The following MTA3 variants were observed in gnomAD, a reference collection of about 807,000 sequenced individuals.
MTA3 encodes metastasis-associated protein MTA3.
A neutral mutation model predicts 83.5 loss-of-function variants in MTA3; 34 were observed. That is an observed-to-expected ratio of 0.41 (90% CI 0.31 to 0.54). The LOEUF is 0.54. MTA3 is among the 20% of genes least tolerant of loss of function. The probability of loss-of-function intolerance (pLI) is 0.33; values close to 1 mark genes in which losing one functional copy is unlikely to be tolerated. For synonymous variants in MTA3, 303 were observed against 252.7 expected, an observed-to-expected ratio of 1.20 and a Z score of -1.89; for missense variants, 761 against 726.4, an observed-to-expected ratio of 1.05 and a Z score of -0.55.
intron 9 of MTA3, among the ~76,000 whole-genome samples, chr2:42,695,277 A>T (rs531894978): frequency 6.6e-6 from 1 of 152,260 alleles, no homozygotes; most frequent in East Asian, 1.9e-4. Flanking sequence ...TTAATTTTAA[A>T]TTTCTCAAAT....
In MTA3 at chr2:42,740,313, C is replaced by G. The variant is rs542532384; in HGVS notation, c.1760-13061C>G. ...ATTGCTTGAGTCCAGAAGTTCAAGACCAGCCGGGACAACATAGCGAAACCC... is the reference window on the plus strand; with the variant it reads ...ATTGCTTGAGTCCAGAAGTTCAAGAGCAGCCGGGACAACATAGCGAAACCC... On this transcript the variant is annotated intron_variant, in intron 16 of 16. Transcript: ENST00000405094. Among the ~76,000 whole-genome samples the G allele has an allele frequency of 1.9e-4, 29 of 152,336 alleles. No individual in the cohort carries two copies. In the East Asian group the frequency reaches 5.0e-3, roughly 26 times the overall value.
chr2:42,682,517 C>G lies in MTA3; in HGVS notation c.819C>G (p.Ala273=). The part of the protein sequence containing the change: ...LCRDEMEEWS[A]SEASLFEEAL... ...GAGATGAAATGGAGGAATGGTCAGC[C>G]TCTGAAGCTAGCTTATTTGAAGAGG... Residue 273 remains alanine, a synonymous_variant, in exon 9 of 17, where the codon GCC becomes GCG. Coordinates refer to ENST00000405094, the MANE Select transcript of MTA3 (RefSeq NM_001330442.2). The G allele has an allele frequency of 1.9e-6, 3 of 1,612,682 alleles. No individual in the cohort carries two copies. Among genetic ancestry groups the G allele is most frequent in the Non-Finnish European group, 2.5e-6 (3 of 1,179,346 alleles).
At chr2:42,684,443 C>T (rs1256109330) in intron 9 of MTA3, among the ~76,000 whole-genome samples, 3 of 152,084 alleles carry the variant, frequency 2.0e-5, no homozygotes, top group African/African-American at 7.2e-5. Context: ...GGCAAAACTT[C>T]ACTCATACTT....
At chr2:42,605,646 C>T (rs1683205845) in intron 3 of MTA3, among the ~76,000 whole-genome samples, 1 of 109,092 alleles carries the variant, frequency 9.2e-6, no homozygotes, top group Non-Finnish European at 1.9e-5. Flanking sequence ...CCGGACGGGG[C>T]GGCTGGCCGG....
At chr2:42,519,411 G>A (rs1435676274) in intron 2 of MTA3, among the ~76,000 whole-genome samples, 1 of 151,678 alleles carries the variant, frequency 6.6e-6, no homozygotes, top group African/African-American at 2.4e-5. Context: ...TTCAAGACCA[G>A]CCTGGCCAAC....
chr2:42,733,405 T>C (rs1668379269), intron 16 of MTA3, among the ~76,000 whole-genome samples: 1 of 152,200 alleles, frequency 6.6e-6, no homozygotes, highest in East Asian at 1.9e-4. Context: ...TACCTCCCTC[T>C]GGGTCCCTAC....
chr2:42,598,539 C>T (rs1399366269), intron 3 of MTA3, among the ~76,000 whole-genome samples: 3 of 152,128 alleles, frequency 2.0e-5, no homozygotes, highest in African/African-American at 7.2e-5. Context: ...TTGGTTAGGT[C>T]TAAGGTCACC....
chr2:42,716,123 C>G (rs1404002240), intron 14 of MTA3, among the ~76,000 whole-genome samples: 1 of 152,104 alleles, frequency 6.6e-6, no homozygotes, highest in Non-Finnish European at 1.5e-5. Flanking sequence ...CACTATTATT[C>G]AACAATAGGT....
At chr2:42,510,148 A>C (rs1298362315) in intron 2 of MTA3, among the ~76,000 whole-genome samples, 2 of 152,006 alleles carry the variant, frequency 1.3e-5, no homozygotes, top group African/African-American at 4.8e-5. Flanking sequence ...CAATATGGTG[A>C]AACTCCATCT....
chr2:42,660,463 G>A (rs976954319), intron 8 of MTA3, among the ~76,000 whole-genome samples: 10 of 152,096 alleles, frequency 6.6e-5, no homozygotes, highest in African/African-American at 1.7e-4. Context: ...TTCTTTCGGT[G>A]ATCAAATGAA....
chr2:42,628,771 CCT>C (rs571667122), intron 4 of MTA3, among the ~76,000 whole-genome samples: 1,032 of 15,204 alleles, frequency 0.068, 25 homozygotes, highest in African/African-American at 0.18. Flanking sequence ...ACATTTCCAC[CCT>C]TTTTTTTTTT....
chr2:42,631,525 G>A (rs1686672043), intron 4 of MTA3, among the ~76,000 whole-genome samples: 1 of 151,564 alleles, frequency 6.6e-6, no homozygotes, highest in East Asian at 1.9e-4. Context: ...TTCAATTTTT[G>A]TGGCTACATA....
At chr2:42,632,803 C>T (rs1031160081) in intron 4 of MTA3, among the ~76,000 whole-genome samples, 1 of 152,080 alleles carries the variant, frequency 6.6e-6, no homozygotes, top group Admixed American at 6.6e-5. Context: ...ACTTTGTGTA[C>T]ACACAAACAG....
intron 3 of MTA3, among the ~76,000 whole-genome samples, chr2:42,607,364 A>C (rs565740104): frequency 1.9e-4 from 29 of 152,232 alleles, no homozygotes; most frequent in South Asian, 1.2e-3. Context: ...TCTGGCTCAG[A>C]GGCATTGTTC....
chr2:42,649,839 C>A (rs946621566), intron 6 of MTA3, among the ~76,000 whole-genome samples: 4 of 152,148 alleles, frequency 2.6e-5, no homozygotes, highest in Non-Finnish European at 5.9e-5. Flanking sequence ...TTATTTGAAG[C>A]TGTAAAAAGG....
intron 16 of MTA3, among the ~76,000 whole-genome samples, chr2:42,741,920 G>C (rs1669065510): frequency 6.6e-6 from 1 of 152,190 alleles, no homozygotes; most frequent in Admixed American, 6.5e-5. Flanking sequence ...CAATAGACTT[G>C]TTTAATGCAG....
At chr2:42,682,881 G>T (rs1245951968) in intron 9 of MTA3, among the ~76,000 whole-genome samples, 1 of 152,124 alleles carries the variant, frequency 6.6e-6, no homozygotes, top group Non-Finnish European at 1.5e-5. Context: ...GACCAGCCTG[G>T]CCAATGTGGT....
At chr2:42,502,103 G>T (rs965656412) in intron 2 of MTA3, among the ~76,000 whole-genome samples, 5 of 151,060 alleles carry the variant, frequency 3.3e-5, no homozygotes, top group African/African-American at 1.2e-4. Flanking sequence ...ATACATGGAG[G>T]CCATACATTG....
At chr2:42,495,796 C>G (rs1006228790) in intron 2 of MTA3, among the ~76,000 whole-genome samples, 1 of 152,152 alleles carries the variant, frequency 6.6e-6, no homozygotes, top group Non-Finnish European at 1.5e-5. Flanking sequence ...TTGGGTCATT[C>G]TAAGGAGAAG....
Sources: gnomAD v4.1 joint callset for allele counts (sites outside exome capture counted in the v4.1 genomes callset) on GRCh38, gnomAD v4.1.1 for gene constraint, MANE v1.5 for transcripts, NCBI Gene and HGNC (gene_info 2026-07-23, HGNC 2026-07-21) for gene names.